Variants in TENM3 observed in about 807,000 individuals in gnomAD.
TENM3 encodes teneurin transmembrane protein 3.
TENM3 carries 63 observed loss-of-function variants against 255.1 expected under a neutral mutation model. The observed-to-expected ratio is 0.25, with a 90% CI of 0.20 to 0.30. The LOEUF (loss-of-function observed/expected upper bound fraction) is 0.30. Among genes scored for constraint, TENM3 ranks in the 10% least tolerant of loss-of-function variants. The pLI, the probability that TENM3 is intolerant of heterozygous loss-of-function variation, is 1.00. For synonymous variants in TENM3, 1,306 were observed against 1,322.3 expected, an observed-to-expected ratio of 0.99 and a Z score of 0.27; for missense variants, 2,929 against 3,461.1, an observed-to-expected ratio of 0.85 and a Z score of 3.86.
the TENM3 span, among the ~76,000 whole-genome samples, chr4:181,463,152 C>A: frequency 6.6e-6 from 1 of 152,188 alleles, no homozygotes; most frequent in Admixed American, 6.5e-5. Flanking sequence ...ACATAGCCCT[C>A]CCACCCATGG....
intron 1 of TENM3, among the ~76,000 whole-genome samples, chr4:182,161,000 G>A (rs1751111136): frequency 6.6e-6 from 1 of 152,080 alleles, no homozygotes; most frequent in Non-Finnish European, 1.5e-5. Flanking sequence ...TATGATGCAG[G>A]CCAGGCGTGG....
At chr4:182,160,040 T>C (rs978342731) in intron 1 of TENM3, among the ~76,000 whole-genome samples, 3 of 150,940 alleles carry the variant, frequency 2.0e-5, no homozygotes, top group Non-Finnish European at 4.5e-5. Context: ...TCTCGCTCTG[T>C]CGCCCAGGCT....
the TENM3 span, among the ~76,000 whole-genome samples, chr4:181,649,316 C>A: frequency 6.6e-6 from 1 of 152,228 alleles, no homozygotes. Context: ...CATTCTCTCT[C>A]ACCCGTCCAT....
intron 3 of TENM3, among the ~76,000 whole-genome samples, chr4:182,547,031 C>T (rs1741519988): frequency 6.6e-6 from 1 of 152,096 alleles, no homozygotes; most frequent in South Asian, 2.1e-4. Flanking sequence ...AAAGAAATAT[C>T]TCCTCTTCCA....
chr4:181,573,431 G>C, the TENM3 span, among the ~76,000 whole-genome samples: 7 of 151,494 alleles, frequency 4.6e-5, no homozygotes, highest in African/African-American at 1.7e-4. Flanking sequence ...TTTTTTTAAA[G>C]AAATATGAAT....
chr4:182,140,992 C>A (rs1453491887), upstream of TENM3, among the ~76,000 whole-genome samples: 1 of 148,816 alleles, frequency 6.7e-6, no homozygotes, highest in African/African-American at 2.5e-5. Context: ...TATATCCCTC[C>A]CCCCCGCCCC....
rs972199545 is a variant in TENM3 at position 182,787,946 on chromosome 4, G to A, written c.5305-1147G>A. Among the ~76,000 whole-genome samples the A allele has an allele frequency of 6.6e-5, 10 of 152,046 alleles. 1 individual carries two copies. The highest frequency in any genetic ancestry group is 1.5e-4 in the Non-Finnish European group (10 of 68,028). Reference sequence around the variant, plus strand: ...TAAGGATTATTTTTGCATGGGACATGTTTAATGTGAATGATAGAATGCAAA... The same window carrying A: ...TAAGGATTATTTTTGCATGGGACATATTTAATGTGAATGATAGAATGCAAA... On this transcript the variant is annotated intron_variant, in intron 24 of 27. Coordinates refer to ENST00000511685, the MANE Select transcript of TENM3 (RefSeq NM_001080477.4).
At chr4:182,592,549 C>G (rs1417342540) in intron 3 of TENM3, among the ~76,000 whole-genome samples, 3 of 152,138 alleles carry the variant, frequency 2.0e-5, no homozygotes, top group Admixed American at 6.5e-5. Flanking sequence ...CATGGTGAAA[C>G]CCCGTTTCTA....
the TENM3 span, among the ~76,000 whole-genome samples, chr4:181,941,303 T>C: frequency 3.7e-5 from 4 of 109,048 alleles, no homozygotes; most frequent in African/African-American, 1.4e-4. Context: ...CCAGAACTTT[T>C]GTTTGATGTT....
the TENM3 span, among the ~76,000 whole-genome samples, chr4:181,809,168 A>G: frequency 2.0e-5 from 3 of 152,210 alleles, no homozygotes; most frequent in Non-Finnish European, 4.4e-5. Flanking sequence ...AGTTAAAGAG[A>G]GCCACTTCCC....
At chr4:181,739,129 G>T in the TENM3 span, among the ~76,000 whole-genome samples, 8 of 152,220 alleles carry the variant, frequency 5.3e-5, no homozygotes, top group East Asian at 1.4e-3. Flanking sequence ...GGAACAAAAC[G>T]CCAGCCATCA....
chr4:182,320,998 T>C (rs969771073), intron 1 of TENM3, among the ~76,000 whole-genome samples: 2 of 152,204 alleles, frequency 1.3e-5, no homozygotes, highest in South Asian at 4.1e-4. Flanking sequence ...TAGATGTCAA[T>C]TTAGGGCAAG....
the TENM3 span, among the ~76,000 whole-genome samples, chr4:181,708,573 ATT>A: frequency 2.8e-5 from 1 of 35,448 alleles, no homozygotes; most frequent in African/African-American, 5.7e-5. Context: ...TAACTGAAGG[ATT>A]TTTTTTTTTT....
chr4:181,677,222 C>T, the TENM3 span, among the ~76,000 whole-genome samples: 1 of 152,074 alleles, frequency 6.6e-6, no homozygotes, highest in Non-Finnish European at 1.5e-5. Context: ...GTCTGATGTT[C>T]TCACTCATGT....
chr4:182,433,981 T>TG (rs980364618), intron 3 of TENM3, among the ~76,000 whole-genome samples: 3 of 152,084 alleles, frequency 2.0e-5, no homozygotes, highest in Non-Finnish European at 4.4e-5. Context: ...GCTAGCATGG[T>TG]GGCATGCTTG....
the TENM3 span, among the ~76,000 whole-genome samples, chr4:181,938,876 G>A: frequency 6.6e-6 from 1 of 152,156 alleles, no homozygotes; most frequent in African/African-American, 2.4e-5. Context: ...TATCAATTTT[G>A]TGAAAGGGCT....
chr4:182,005,205 T>G, the TENM3 span, among the ~76,000 whole-genome samples: 1 of 152,374 alleles, frequency 6.6e-6, no homozygotes, highest in South Asian at 2.1e-4. Context: ...GTTTTGGGTT[T>G]TACATTTAAG....
chr4:181,865,814 A>G, the TENM3 span, among the ~76,000 whole-genome samples: 1 of 152,176 alleles, frequency 6.6e-6, no homozygotes, highest in Admixed American at 6.6e-5. Context: ...GATTCTTATC[A>G]AAATCCCCCA....
the TENM3 span, among the ~76,000 whole-genome samples, chr4:182,114,175 T>C: frequency 2.6e-5 from 4 of 152,218 alleles, no homozygotes; most frequent in African/African-American, 9.6e-5. Context: ...ATAATCAGTT[T>C]GTTAGAATCA....
Sources: allele counts gnomAD v4.1 joint callset (sites outside exome capture counted in the v4.1 genomes callset), GRCh38; gene constraint gnomAD v4.1.1; transcripts MANE v1.5; gene names NCBI Gene and HGNC (gene_info 2026-07-23, HGNC 2026-07-21).